ACADVL: variants seen among roughly 807,000 people sequenced by gnomAD.
ACADVL encodes very long-chain acyl-CoA dehydrogenase, mitochondrial.
A neutral mutation model predicts 80.4 loss-of-function variants in ACADVL; 73 were observed. The ratio of observed to expected loss-of-function variants is 0.91; its 90% CI spans 0.75 to 1.10. The LOEUF is 1.10. Among genes scored for constraint, ACADVL ranks in the 50% least tolerant of loss-of-function variants. The pLI is 0.00. For synonymous variants in ACADVL, 392 were observed against 326.5 expected (o/e 1.20, Z -2.16); for missense variants, 878 against 858.9 (o/e 1.02, Z -0.28).
At chr17:7,217,835 T>A, upstream of ACADVL, 1 of 1,533,346 alleles carries the variant, frequency 6.5e-7, no homozygotes, top group Non-Finnish European at 8.7e-7. Flanking sequence ...TTTCATTTCT[T>A]AGAGAAGGAA....
Position 7,224,254 on chromosome 17 carries a change from G to T in ACADVL, c.1532+11G>T. On this transcript the variant is annotated intron_variant, in intron 15 of 19. Coordinates refer to ENST00000356839, the MANE Select transcript of ACADVL (RefSeq NM_000018.4). ...CAAACAGCTGAGGCGGTAGGCTTAG[G>T]GCCAGAGCCAGGGGAGGGCAGGGTG... 6.2e-7 allele frequency: 1 copy of T among 1,613,706 alleles called. No homozygotes were observed.
upstream of ACADVL, chr17:7,219,279 G>A (rs540106209): frequency 1.5e-3 from 840 of 562,652 alleles, 10 homozygotes; most frequent in African/African-American, 0.016. Flanking sequence ...CTCAGGCCCG[G>A]GAGGAATCCA....
At position 7,223,202 on chromosome 17, in the gene ACADVL, C is replaced by T. The variant is rs756194870; in HGVS notation, c.1147C>T (p.Leu383=). The change falls in exon 11 of 20, where the codon CTG becomes TTG. Residue 383 remains leucine, a synonymous_variant. Coordinates refer to ENST00000356839, the MANE Select transcript of ACADVL (RefSeq NM_000018.4). ...CAACTTTGGGCTGATCCAGGAGAAG[C>T]TGGCACGGATGGTTATGCTGCAGTA... ...IHNFGLIQEK[L]ARMVMLQYVT... The T allele has an allele frequency of 1.2e-6, 2 of 1,613,966 alleles. No homozygotes were observed. The highest frequency in any genetic ancestry group is 1.7e-5 in the Admixed American group (1 of 60,012).
Position 7,222,175 on chromosome 17 carries a change from A to G in ACADVL, c.753-2A>G, listed in dbSNP as rs398123092. ...CGCCCTGAATATCCCATTCTTCCACAGTAATGGGGGCCTAGCAGACATCTT... is the reference window on the plus strand; with the variant it reads ...CGCCCTGAATATCCCATTCTTCCACGGTAATGGGGGCCTAGCAGACATCTT... On this transcript the variant is annotated splice_acceptor_variant, in intron 8 of 19. Coordinates refer to ENST00000356839, the MANE Select transcript of ACADVL (RefSeq NM_000018.4). LOFTEE classifies it high-confidence loss of function. 1 of 1,614,140 alleles carries G rather than the reference A, an allele frequency of 6.2e-7. No individual in the cohort carries two copies. The highest frequency in any genetic ancestry group is 1.3e-5 in the African/African-American group (1 of 75,028).
chr17:7,218,776 C>A (rs890914810), upstream of ACADVL: 283 of 1,610,012 alleles, frequency 1.8e-4, 1 homozygote, highest in Non-Finnish European at 2.2e-4. Flanking sequence ...TCTCCGAGCC[C>A]CAGCCCCCCA....
At position 7,221,846 on chromosome 17, in the gene ACADVL, C is replaced by T. The variant is rs888851805; in HGVS notation, c.623-106C>T. 3.1e-6 allele frequency: 5 copies of T among 1,596,362 alleles called. No individual in the cohort carries two copies. In the African/African-American group the frequency reaches 6.7e-5, roughly 21 times the overall value. ...TTGGGACATGCAAAAGAACTGGATA[C>T]TCCCAGGTGTTAAGGGGGAACTGCC... On this transcript the variant is annotated intron_variant, in intron 7 of 19. Transcript: ENST00000356839.
chr17:7,220,817 C>A lies in ACADVL; in HGVS notation c.329C>A (p.Ser110Tyr), dbSNP rs757608507. ...QFLKELVEPV[S>Y]RFFEEVNDPA... ...CTTAAAGAGCTGGTGGAGCCTGTGT[C>A]CCGTTTCTTCGAGGTAAGGAATGAC... The change falls in exon 5 of 20, where the codon TCC becomes TAC. Residue 110 changes from serine (S) to tyrosine (Y), a missense_variant. Transcript: ENST00000356839. The A allele has an allele frequency of 2.5e-6, 4 of 1,614,046 alleles. No homozygotes were observed. In the East Asian group the frequency reaches 8.9e-5, roughly 36 times the overall value.
At chr17:7,218,116 G>A (rs1597509232), upstream of ACADVL, 1 of 853,644 alleles carries the variant, frequency 1.2e-6, no homozygotes, top group East Asian at 2.7e-5. Context: ...CAAGTCCCTG[G>A]GCCACTGACT....
chr17:7,223,374 A>C, intron 11 of ACADVL, 137 bp downstream of exon 11: 1 of 900,560 alleles, frequency 1.1e-6, no homozygotes, highest in Non-Finnish European at 1.9e-6. Flanking sequence ...GGGGAGGCAT[A>C]GTCAGCTCAG....
rs374898424 is a variant in ACADVL at position 7,224,964 on chromosome 17, C to G, written c.1835C>G (p.Ala612Gly). ...CTCCTTCCCTCTCCCCAGGCTGCAG[C>G]TCGGATCCGAGAGGGCATGGCCGCC... The part of the protein sequence containing the change: ...LCDTWCIEAA[A>G]RIREGMAALQ... Residue 612 changes from alanine (A) to glycine (G), a missense_variant, in exon 20 of 20, where the codon GCT becomes GGT. Coordinates refer to ENST00000356839, the MANE Select transcript of ACADVL (RefSeq NM_000018.4). 16 of 1,613,970 alleles carry G rather than the reference C, an allele frequency of 9.9e-6. No homozygotes were observed. Among genetic ancestry groups the G allele is most frequent in the African/African-American group, 1.3e-5 (1 of 74,928 alleles).
At position 7,220,815 on chromosome 17, in the gene ACADVL, G is replaced by C; in HGVS notation, c.327G>C (p.Val109=). ...TQFLKELVEP[V]SRFFEEVNDP... is the part of the protein sequence containing the mutation. ...TTCTTAAAGAGCTGGTGGAGCCTGT[G>C]TCCCGTTTCTTCGAGGTAAGGAATG... Residue 109 remains valine, a synonymous_variant, in exon 5 of 20, where the codon GTG becomes GTC. Coordinates refer to ENST00000356839, the MANE Select transcript of ACADVL (RefSeq NM_000018.4). The C allele has an allele frequency of 6.2e-7, 1 of 1,614,132 alleles. No individual in the cohort carries two copies. Among genetic ancestry groups the C allele is most frequent in the Non-Finnish European group, 8.5e-7 (1 of 1,180,044 alleles).
At chr17:7,218,417 A>G (rs2071033772), upstream of ACADVL, 1 of 1,370,962 alleles carries the variant, frequency 7.3e-7, no homozygotes, top group Admixed American at 2.0e-5. Flanking sequence ...CATGGAGGAC[A>G]CCATAGGCAG....
intron 9 of ACADVL, 55 bp from the exon 10 acceptor site, chr17:7,222,612 C>T: frequency 6.5e-7 from 1 of 1,527,786 alleles, no homozygotes; most frequent in Non-Finnish European, 8.9e-7. Context: ...GCAGTTTTTC[C>T]CCCAGTGACA....
At chr17:7,222,385 G>GA in intron 9 of ACADVL, 83 bp downstream of exon 9, 18 of 1,566,562 alleles carry the variant, frequency 1.1e-5, no homozygotes, top group Non-Finnish European at 1.6e-5. Context: ...AGTCACCCTG[G>GA]GGACGTGTGC....
chr17:7,223,225 G>C lies in ACADVL; in HGVS notation c.1170G>C (p.Gln390His), dbSNP rs775196157. 2 of 1,613,648 alleles carry C rather than the reference G, an allele frequency of 1.2e-6. No individual in the cohort carries two copies. The highest frequency in any genetic ancestry group is 8.5e-7 in the Non-Finnish European group (1 of 1,179,592). The change falls in exon 11 of 20, where the codon CAG (glutamine) becomes CAC (histidine). Residue 390 changes from glutamine to histidine, a missense_variant. Coordinates refer to ENST00000356839, the MANE Select transcript of ACADVL (RefSeq NM_000018.4). ...AGCTGGCACGGATGGTTATGCTGCA[G>C]TATGTAACTGAGGTGAGGGCCTCCC... ...QEKLARMVML[Q>H]YVTESMAYMV...
chr17:7,222,985 C>T (rs888095433), intron 10 of ACADVL, 120 bp downstream of exon 10: 1 of 1,454,458 alleles, frequency 6.9e-7, no homozygotes, highest in East Asian at 2.3e-5. Context: ...CTACCAGCAG[C>T]CCGACTTGCT....
chr17:7,218,891 T>A (rs1270401501), upstream of ACADVL: 2 of 1,609,308 alleles, frequency 1.2e-6, no homozygotes, highest in Non-Finnish European at 1.7e-6. Context: ...CCTCCAGGAT[T>A]GGAGTTGAGC....
chr17:7,220,394 C>T (rs2071138809), intron 2 of ACADVL, 70 bp from the exon 3 acceptor site: 1 of 1,605,394 alleles, frequency 6.2e-7, no homozygotes, highest in Non-Finnish European at 8.5e-7. Flanking sequence ...CCCCGCGCGG[C>T]TCTCGCCTGT....
At chr17:7,221,343 A>G (rs2071207224) in intron 6 of ACADVL, 195 bp from the exon 7 acceptor site, 1 of 1,042,722 alleles carries the variant, frequency 9.6e-7, no homozygotes, top group African/African-American at 1.6e-5. Flanking sequence ...CCTAGACCTA[A>G]GACAGACCAG....
Sources: allele counts gnomAD v4.1 joint callset, GRCh38; gene constraint gnomAD v4.1.1; transcripts MANE v1.5; gene names NCBI Gene and HGNC (gene_info 2026-07-23, HGNC 2026-07-21).